TMCC1: variants seen among roughly 807,000 people sequenced by gnomAD.
The protein encoded by TMCC1 is transmembrane and coiled-coil domains protein 1.
TMCC1 carries 15 observed loss-of-function variants against 52.4 expected under a neutral mutation model. The observed-to-expected ratio is 0.29, with a 90% CI of 0.19 to 0.44. The LOEUF (loss-of-function observed/expected upper bound fraction) is 0.44, where lower values mean the gene tolerates loss of function less well. Ranked by LOEUF, TMCC1 falls within the 20% of genes least tolerant of loss-of-function variation. The pLI, the probability that TMCC1 is intolerant of heterozygous loss-of-function variation, is 1.00. For missense variants in TMCC1, 503 were observed against 806.0 expected, an observed-to-expected ratio of 0.62 and a Z score of 4.55; for synonymous variants, 279 against 301.9, an observed-to-expected ratio of 0.92 and a Z score of 0.79.
intron 4 of TMCC1, among the ~76,000 whole-genome samples, chr3:129,694,440 G>A (rs956214193): frequency 6.6e-6 from 1 of 152,212 alleles, no homozygotes; most frequent in Non-Finnish European, 1.5e-5. Context: ...CGTGCCTATG[G>A]GCTAGGTAAA....
At chr3:129,844,298 A>G (rs2059563144) in intron 2 of TMCC1, among the ~76,000 whole-genome samples, 1 of 152,214 alleles carries the variant, frequency 6.6e-6, no homozygotes, top group Non-Finnish European at 1.5e-5. Context: ...GAATAATATT[A>G]TAGGTGGAAA....
intron 2 of TMCC1, among the ~76,000 whole-genome samples, chr3:129,844,916 A>T (rs1248009367): frequency 1.3e-5 from 2 of 152,216 alleles, no homozygotes; most frequent in African/African-American, 4.8e-5. Context: ...AAGGATGTCT[A>T]TAAGGGTCAG....
intron 4 of TMCC1, among the ~76,000 whole-genome samples, chr3:129,754,482 C>A (rs1213245176): frequency 6.6e-6 from 1 of 152,110 alleles, no homozygotes; most frequent in Non-Finnish European, 1.5e-5. Context: ...CTACAACAAT[C>A]AATACAGGGT....
At chr3:129,684,139 T>C (rs1004643439) in intron 4 of TMCC1, among the ~76,000 whole-genome samples, 2 of 152,228 alleles carry the variant, frequency 1.3e-5, no homozygotes, top group Admixed American at 1.3e-4. Context: ...TGGTATGGAC[T>C]TCAGAGACTT....
At chr3:129,791,376 A>T (rs2056452061) in intron 4 of TMCC1, among the ~76,000 whole-genome samples, 1 of 152,124 alleles carries the variant, frequency 6.6e-6, no homozygotes, top group African/African-American at 2.4e-5. Flanking sequence ...TACAGATATG[A>T]GTCACCGCAC....
At chr3:129,789,225 C>T (rs891751429) in intron 4 of TMCC1, among the ~76,000 whole-genome samples, 6 of 152,188 alleles carry the variant, frequency 3.9e-5, no homozygotes, top group Non-Finnish European at 4.4e-5. Flanking sequence ...GTTCAACATG[C>T]CTTTTAAAAA....
At chr3:129,710,822 T>C (rs2048617079) in intron 4 of TMCC1, among the ~76,000 whole-genome samples, 1 of 152,192 alleles carries the variant, frequency 6.6e-6, no homozygotes, top group Non-Finnish European at 1.5e-5. Context: ...CAAGTCTTTC[T>C]CCCACCAAAA....
chr3:129,729,996 TA>T (rs368622320), intron 4 of TMCC1, among the ~76,000 whole-genome samples: 157 of 151,970 alleles, frequency 1.0e-3, no homozygotes, highest in African/African-American at 3.4e-3. Context: ...ATAAATAAAA[TA>T]AAAAAATAGA....
chr3:129,713,668 GT>G (rs2048858235), intron 4 of TMCC1, among the ~76,000 whole-genome samples: 1 of 146,798 alleles, frequency 6.8e-6, no homozygotes, highest in Admixed American at 7.0e-5. Context: ...AACTATGATT[GT>G]GCCTTTAAAT....
chr3:129,863,019 G>T (rs2060463801), intron 2 of TMCC1, among the ~76,000 whole-genome samples: 1 of 152,192 alleles, frequency 6.6e-6, no homozygotes, highest in Non-Finnish European at 1.5e-5. Context: ...AAACCTAAAA[G>T]ATGTCAAGAT....
At chr3:129,875,275 G>T (rs1349468868) in intron 2 of TMCC1, among the ~76,000 whole-genome samples, 2 of 151,598 alleles carry the variant, frequency 1.3e-5, no homozygotes, top group East Asian at 1.9e-4. Flanking sequence ...ATCACCTAAG[G>T]TCAGGAGTTC....
chr3:129,685,403 T>TAA lies in TMCC1; in HGVS notation c.577-14141_577-14140dup, dbSNP rs78181807. Among the ~76,000 whole-genome samples the TAA allele has an allele frequency of 3.0e-5, 4 of 133,644 alleles. No individual in the cohort carries two copies. The South Asian group carries it at 9.6e-4, about 32-fold the overall frequency. 87.7% of individuals were successfully genotyped at this position (133,644 alleles called of 152,430 possible). On this transcript the variant is annotated intron_variant, in intron 4 of 6. Transcript: ENST00000393238. Reference sequence around the variant, plus strand: ...CTAAAAGAAACTTAAAAATTAAATTTAAAAAAAAAAAAAAGATGAGAAGGG... The same window carrying TAA: ...CTAAAAGAAACTTAAAAATTAAATTTAAAAAAAAAAAAAAAAGATGAGAAGGG...
chr3:129,699,452 A>G (rs2108968308), intron 4 of TMCC1, among the ~76,000 whole-genome samples: 1 of 152,226 alleles, frequency 6.6e-6, no homozygotes, highest in East Asian at 1.9e-4. Flanking sequence ...GGAATTGCCC[A>G]CCCCTTTCTC....
At chr3:129,843,566 A>T (rs2059522476) in intron 2 of TMCC1, among the ~76,000 whole-genome samples, 1 of 152,154 alleles carries the variant, frequency 6.6e-6, no homozygotes. Flanking sequence ...GATCCAATAG[A>T]TGTTAAAAAA....
intron 4 of TMCC1, among the ~76,000 whole-genome samples, chr3:129,755,368 G>GA (rs1378680892): frequency 6.6e-6 from 1 of 151,830 alleles, no homozygotes; most frequent in Admixed American, 6.6e-5. Context: ...ATTTAAAAAA[G>GA]AAAAAAATTG....
At position 129,693,353 on chromosome 3, in the gene TMCC1, G is replaced by A. The variant is rs140796553; in HGVS notation, c.577-22089C>T. Among the ~76,000 whole-genome samples, 12 of 152,194 alleles carry A rather than the reference G, an allele frequency of 7.9e-5. No homozygotes were observed. The East Asian group carries it at 2.3e-3, about 29-fold the overall frequency. ...GAACAAAGGTTCTTTACTTGTGAAAGAGCTTAGGTTCTTTACAATTGTAGT... is the reference window on the plus strand; with the variant it reads ...GAACAAAGGTTCTTTACTTGTGAAAAAGCTTAGGTTCTTTACAATTGTAGT... On this transcript the variant is annotated intron_variant, in intron 4 of 6. Coordinates refer to ENST00000393238, the MANE Select transcript of TMCC1 (RefSeq NM_001017395.5).
At chr3:129,862,158 C>A (rs1336340457) in intron 2 of TMCC1, among the ~76,000 whole-genome samples, 1 of 152,038 alleles carries the variant, frequency 6.6e-6, no homozygotes, top group African/African-American at 2.4e-5. Flanking sequence ...CCAGAATAGG[C>A]AAATCCTTAG....
At chr3:129,698,697 A>G (rs866835808) in intron 4 of TMCC1, among the ~76,000 whole-genome samples, 1 of 152,222 alleles carries the variant, frequency 6.6e-6, no homozygotes, top group Non-Finnish European at 1.5e-5. Flanking sequence ...AGTTAGAGTT[A>G]GCAAGCTAAA....
At chr3:129,782,780 G>A (rs1442845882) in intron 4 of TMCC1, among the ~76,000 whole-genome samples, 6 of 152,150 alleles carry the variant, frequency 3.9e-5, no homozygotes, top group African/African-American at 4.8e-5. Flanking sequence ...CGTATGAACT[G>A]CGGTGTGTTA....
Sources: gnomAD v4.1 joint callset for allele counts (sites outside exome capture counted in the v4.1 genomes callset) on GRCh38, gnomAD v4.1.1 for gene constraint, MANE v1.5 for transcripts, NCBI Gene and HGNC (gene_info 2026-07-23, HGNC 2026-07-21) for gene names.